ADGRL1: variants seen among roughly 807,000 people sequenced by gnomAD.
The protein encoded by ADGRL1 is adhesion G protein-coupled receptor L1.
ADGRL1 carries 31 observed loss-of-function variants against 148.9 expected under a neutral mutation model. The ratio of observed to expected loss-of-function variants is 0.21; its 90% confidence interval spans 0.16 to 0.28. The LOEUF (loss-of-function observed/expected upper bound fraction) is 0.28. Among genes scored for constraint, ADGRL1 ranks in the 10% least tolerant of loss-of-function variants. The pLI is 1.00. For synonymous variants in ADGRL1, 937 were observed against 900.3 expected (o/e 1.04, Z -0.73); for missense variants, 1,521 against 2,058.8 (o/e 0.74, Z 5.05).
chr19:14,189,518 C>A (rs531986567), intron 1 of ADGRL1, among the ~76,000 whole-genome samples: 1 of 152,324 alleles, frequency 6.6e-6, no homozygotes, highest in South Asian at 2.1e-4. Flanking sequence ...CTGTGAGCCA[C>A]CATTCCTGGC....
At chr19:14,183,382 G>C in intron 2 of ADGRL1, 151 bp downstream of exon 2, 2 of 686,994 alleles carry the variant, frequency 2.9e-6, no homozygotes, top group South Asian at 1.9e-5. Context: ...TTACCCCTGA[G>C]TCTTCCACTG....
rs71170598 is a variant in ADGRL1 at position 14,149,922 on chromosome 19, C to CTTTTTTTTTTTTTTTTTTCT, written c.*950_*951insAGAAAAAAAAAAAAAAAAAA. ...CAAGTGATGAGATTTTTTTTCTTTT[C>CTTTTTTTTTTTTTTTTTTCT]TTTTTTTTTTTTTTTGTCTTTTTTT... On this transcript the variant is annotated 3_prime_UTR_variant, in exon 23 of 23. Transcript: ENST00000361434. 9.8e-5 allele frequency: 12 copies of CTTTTTTTTTTTTTTTTTTCT among 122,682 alleles called. No homozygotes were observed. Among genetic ancestry groups the CTTTTTTTTTTTTTTTTTTCT allele is most frequent in the Non-Finnish European group, 1.7e-4 (10 of 57,756 alleles). The allele number at this position is 122,682 out of a possible 1,614,324, so 7.6% of individuals were successfully genotyped here. A position where few individuals can be genotyped will look rare whatever the true frequency, so the allele number is the denominator to read the frequency against.
intron 4 of ADGRL1, chr19:14,169,742 C>T (rs1003435457): frequency 2.6e-5 from 4 of 152,166 alleles, no homozygotes; most frequent in Non-Finnish European, 4.4e-5. Flanking sequence ...TGCCTTCTCC[C>T]CACTCTTCCC....
intron 2 of ADGRL1, among the ~76,000 whole-genome samples, chr19:14,179,300 C>T (rs891692490): frequency 2.6e-5 from 4 of 151,968 alleles, no homozygotes; most frequent in African/African-American, 9.7e-5. Context: ...TGAGACCATC[C>T]TGGCTAAAAC....
Position 14,160,589 on chromosome 19 carries a change from G to T in ADGRL1, c.1614+4C>A. ...GCCTGCCTGCGAGGGGTGGTGGCTG[G>T]TACCTTCTGGGCCACCTGGTTGACC... is the stretch of plus-strand genomic sequence containing the variant. On this transcript the variant is annotated splice_donor_region_variant and intron_variant, in intron 7 of 22. Coordinates refer to ENST00000361434, the MANE Select transcript of ADGRL1 (RefSeq NM_014921.5). The surrounding 1 kb of genome is among the most constrained non-coding windows in gnomAD (Gnocchi z 5.9). 6.3e-7 allele frequency: 1 copy of T among 1,597,974 alleles called. No individual in the cohort carries two copies. Among genetic ancestry groups the T allele is most frequent in the East Asian group, 2.2e-5 (1 of 44,732 alleles).
chr19:14,152,926 G>A lies in ADGRL1; in HGVS notation c.3295-14C>T, dbSNP rs1397617427. The A allele has an allele frequency of 1.9e-6, 3 of 1,613,006 alleles. No individual in the cohort carries two copies. The highest frequency in any genetic ancestry group is 1.7e-6 in the Non-Finnish European group (2 of 1,179,664). ...CTCCTTGTGCACCTGGGAGGTGGAGGACAGTCAGCTGGCTGGGACACTGGC... is the reference window on the plus strand; with the variant it reads ...CTCCTTGTGCACCTGGGAGGTGGAGAACAGTCAGCTGGCTGGGACACTGGC... On this transcript the variant is annotated splice_polypyrimidine_tract_variant and intron_variant, in intron 18 of 22. Transcript: ENST00000361434. This position sits in a 1 kb window ranked among gnomAD's most constrained non-coding sequence, Gnocchi z 6.1.
At chr19:14,203,345 G>C (rs1319028938) in intron 1 of ADGRL1, among the ~76,000 whole-genome samples, 2 of 152,296 alleles carry the variant, frequency 1.3e-5, no homozygotes, top group African/African-American at 4.8e-5. Flanking sequence ...CAAAGACGAT[G>C]CTCTGGCGGG....
intron 1 of ADGRL1, among the ~76,000 whole-genome samples, chr19:14,198,327 CTG>C (rs938886749): frequency 6.6e-6 from 1 of 152,080 alleles, no homozygotes; most frequent in Non-Finnish European, 1.5e-5. Flanking sequence ...GGAGATCAGA[CTG>C]TGTGTGGGGA....
At chr19:14,194,258 T>A (rs2145127774) in intron 1 of ADGRL1, among the ~76,000 whole-genome samples, 1 of 152,316 alleles carries the variant, frequency 6.6e-6, no homozygotes, top group African/African-American at 2.4e-5. Flanking sequence ...GCTAAAGCTG[T>A]CCCGTCTGTG....
At chr19:14,156,567 G>GTA in intron 16 of ADGRL1, 91 bp downstream of exon 16, 1 of 803,002 alleles carries the variant, frequency 1.2e-6, no homozygotes, top group Non-Finnish European at 2.0e-6. Flanking sequence ...GTGTGTGTGT[G>GTA]GGGGGGGTGG....
chr19:14,178,188 A>G (rs984039947), intron 2 of ADGRL1, among the ~76,000 whole-genome samples: 2 of 152,180 alleles, frequency 1.3e-5, no homozygotes, highest in Non-Finnish European at 2.9e-5. Context: ...CCCCAATCCA[A>G]TATGACTGTG....
chr19:14,167,906 C>T (rs536290760), intron 4 of ADGRL1, among the ~76,000 whole-genome samples: 434 of 152,188 alleles, frequency 2.9e-3, no homozygotes, highest in Non-Finnish European at 5.4e-3. Context: ...CTGGGAGCTC[C>T]GCCCTGCCCG....
Position 14,151,024 on chromosome 19 carries a change from G to T in ADGRL1, c.4259C>A (p.Thr1420Asn). The T allele has an allele frequency of 1.3e-6, 2 of 1,509,302 alleles. No individual in the cohort carries two copies. The highest frequency in any genetic ancestry group is 1.8e-6 in the Non-Finnish European group (2 of 1,122,080). 93.5% of individuals were successfully genotyped at this position (1,509,302 alleles called of 1,614,324 possible). Reference protein sequence around the residue: ...APPGPPEIYYTSRPPALVARN... With the variant: ...APPGPPEIYYNSRPPALVARN... ...GGCCACCAGGGCTGGCGGGCGCGAG[G>T]TGTAGTAGATTTCGGGGGGGCCGGG... The change falls in exon 23 of 23, where the codon ACC becomes AAC. Residue 1420 changes from threonine (T) to asparagine (N), a missense_variant. Transcript: ENST00000361434.
intron 1 of ADGRL1, among the ~76,000 whole-genome samples, chr19:14,203,731 G>A (rs1972770755): frequency 6.6e-6 from 1 of 152,208 alleles, no homozygotes; most frequent in Non-Finnish European, 1.5e-5. Context: ...CACAGCCCAG[G>A]TGTGCTGGTC....
At chr19:14,187,153 A>G (rs950336282) in intron 1 of ADGRL1, among the ~76,000 whole-genome samples, 10 of 152,180 alleles carry the variant, frequency 6.6e-5, no homozygotes, top group African/African-American at 2.4e-4. Context: ...CCTGGCCAAC[A>G]TGGTGAAACC....
chr19:14,186,683 C>G (rs1285342878), intron 1 of ADGRL1, among the ~76,000 whole-genome samples: 1 of 152,324 alleles, frequency 6.6e-6, no homozygotes, highest in East Asian at 1.9e-4. Context: ...CGAACATTAA[C>G]TGACCCCCTG....
Position 14,151,119 on chromosome 19 carries a change from G to A in ADGRL1, c.4164C>T (p.Asp1388=). Reference sequence around the variant, plus strand: ...GGCTGCTGTCCGGGTAGGAGGGTGAGTCCCGCAGGTTGGCCCCGCTGGCAT... The same window carrying A: ...GGCTGCTGTCCGGGTAGGAGGGTGAATCCCGCAGGTTGGCCCCGCTGGCAT... ...SLYASGANLR[D]SPSYPDSSPE... The change falls in exon 23 of 23, where the codon GAC becomes GAT. Residue 1388 remains aspartate, a synonymous_variant. Transcript: ENST00000361434. 6.4e-7 allele frequency: 1 copy of A among 1,571,734 alleles called. No homozygotes were observed. Among genetic ancestry groups the A allele is most frequent in the South Asian group, 1.2e-5 (1 of 84,074 alleles).
intron 3 of ADGRL1, among the ~76,000 whole-genome samples, chr19:14,174,504 TCA>T (rs1243076530): frequency 2.0e-5 from 3 of 150,456 alleles, no homozygotes; most frequent in Non-Finnish European, 4.4e-5. Context: ...CCTGGGGCTC[TCA>T]GTGACCCGCT....
chr19:14,181,245 T>C (rs1971169956), intron 2 of ADGRL1, among the ~76,000 whole-genome samples: 2 of 152,224 alleles, frequency 1.3e-5, no homozygotes, highest in Non-Finnish European at 2.9e-5. Context: ...AACATGGGAA[T>C]GAACTCATGT....
Sources: allele counts gnomAD v4.1 joint callset (sites outside exome capture counted in the v4.1 genomes callset), GRCh38; gene constraint gnomAD v4.1.1; non-coding constraint Gnocchi (gnomAD v3.1); transcripts MANE v1.5; gene names NCBI Gene and HGNC (gene_info 2026-07-23, HGNC 2026-07-21).